DNAH7: variants seen among roughly 807,000 people sequenced by gnomAD.
The protein encoded by DNAH7 is dynein axonemal heavy chain 7.
In DNAH7, 397 loss-of-function variants were observed where a neutral mutation model predicts 444.6. The observed-to-expected ratio is 0.89, with a 90% CI of 0.82 to 0.97. The LOEUF (loss-of-function observed/expected upper bound fraction) is 0.97. Among genes scored for constraint, DNAH7 ranks in the 50% least tolerant of loss-of-function variants. The probability of loss-of-function intolerance (pLI) is 0.00; values close to 1 mark genes in which losing one functional copy is unlikely to be tolerated. For missense variants in DNAH7, 4,902 were observed against 4,800.8 expected (o/e 1.02, Z -0.62); for synonymous variants, 1,636 against 1,624.4 (o/e 1.01, Z -0.17).
At chr2:195,852,785 C>CA in intron 46 of DNAH7, among the ~76,000 whole-genome samples, 1 of 152,146 alleles carries the variant, frequency 6.6e-6, no homozygotes, top group Non-Finnish European at 1.5e-5. Context: ...AGCCACTTAT[C>CA]AACAGGGTTT....
chr2:195,765,019 G>A (rs1330705460), intron 61 of DNAH7, among the ~76,000 whole-genome samples: 1 of 152,024 alleles, frequency 6.6e-6, no homozygotes, highest in Non-Finnish European at 1.5e-5. Flanking sequence ...AAACAGCATG[G>A]TACTGGCATA....
In DNAH7 at chr2:195,775,917, T is replaced by C. The variant is rs1695038229; in HGVS notation, c.11131A>G (p.Asn3711Asp). ...TCCTTAGTGATATCTGCATTGGCAT[T>C]CATCCCAAAGATTTCTGGTGCTGGG... ...LTPAPEIFGM[N>D]ANADITKDQS... Residue 3711 changes from asparagine to aspartate, a missense_variant, in exon 60 of 65, where the codon AAT (asparagine) becomes GAT (aspartate). Physicochemically the swap from Asn to Asp is conservative, Grantham distance 23. Coordinates refer to ENST00000312428, the MANE Select transcript of DNAH7 (RefSeq NM_018897.3). The C allele has an allele frequency of 6.2e-7, 1 of 1,614,178 alleles. No individual in the cohort carries two copies. The highest frequency in any genetic ancestry group is 8.5e-7 in the Non-Finnish European group (1 of 1,180,008).
At chr2:195,999,739 T>C (rs1693920935) in intron 12 of DNAH7, among the ~76,000 whole-genome samples, 1 of 151,962 alleles carries the variant, frequency 6.6e-6, no homozygotes, top group Admixed American at 6.6e-5. Flanking sequence ...AAAAATAGAA[T>C]AAAAAATTGG....
At chr2:195,795,217 C>T (rs1270505794) in intron 56 of DNAH7, among the ~76,000 whole-genome samples, 2 of 152,176 alleles carry the variant, frequency 1.3e-5, no homozygotes, top group Non-Finnish European at 2.9e-5. Flanking sequence ...GCTGTCTCTA[C>T]TAAAAATACA....
chr2:195,944,017 C>T (rs548854548), intron 19 of DNAH7, among the ~76,000 whole-genome samples: 10 of 152,222 alleles, frequency 6.6e-5, no homozygotes, highest in African/African-American at 2.4e-4. Flanking sequence ...TTTCCCAATC[C>T]TTCAAACTTG....
chr2:195,996,115 G>A (rs1693677938), intron 12 of DNAH7, among the ~76,000 whole-genome samples: 1 of 152,168 alleles, frequency 6.6e-6, no homozygotes, highest in African/African-American at 2.4e-5. Flanking sequence ...ATACACTAGA[G>A]TGCAATGTCA....
intron 10 of DNAH7, among the ~76,000 whole-genome samples, chr2:196,008,556 T>C (rs901447713): frequency 6.6e-6 from 1 of 152,236 alleles, no homozygotes; most frequent in African/African-American, 2.4e-5. Context: ...CTTATATCCA[T>C]ATACTGAAAT....
At position 196,064,332 on chromosome 2, in the gene DNAH7, TA is replaced by T. The variant is rs1442162731; in HGVS notation, c.15+4364del. Among the ~76,000 whole-genome samples, 367 of 40,428 alleles carry T rather than the reference TA, an allele frequency of 9.1e-3. 1 individual carries two copies. The highest frequency in any genetic ancestry group is 0.027 in the African/African-American group (338 of 12,676). 26.5% of individuals were successfully genotyped at this position (40,428 alleles called of 152,430 possible). A position where few individuals can be genotyped will look rare whatever the true frequency, so the allele number is the denominator to read the frequency against. ...CTCCGTCTCAAAATAAATAAATAAA[TA>T]AATAAATAAATAAATAATAAATAAT... On this transcript the variant is annotated intron_variant, in intron 1 of 64. Coordinates refer to ENST00000312428, the MANE Select transcript of DNAH7 (RefSeq NM_018897.3).
At chr2:196,028,422 T>C (rs1267715148) in intron 5 of DNAH7, among the ~76,000 whole-genome samples, 1 of 152,184 alleles carries the variant, frequency 6.6e-6, no homozygotes, top group Non-Finnish European at 1.5e-5. Flanking sequence ...AAAAGAACAC[T>C]GATGGAAAGT....
At chr2:195,779,797 G>C (rs934585593) in intron 58 of DNAH7, among the ~76,000 whole-genome samples, 1 of 151,900 alleles carries the variant, frequency 6.6e-6, no homozygotes. Context: ...GTAATGGTGG[G>C]GTTTCACCAT....
At chr2:195,923,939 A>G in intron 22 of DNAH7, 132 bp from the exon 23 acceptor site, 1 of 889,986 alleles carries the variant, frequency 1.1e-6, no homozygotes, top group Non-Finnish European at 1.7e-6. Flanking sequence ...TACAATTTAA[A>G]AATAATTTGT....
chr2:195,774,054 TGAG>T (rs2105944818), intron 60 of DNAH7, among the ~76,000 whole-genome samples: 1 of 152,332 alleles, frequency 6.6e-6, no homozygotes, highest in East Asian at 1.9e-4. Flanking sequence ...AACCTGAGTT[TGAG>T]GATTGAAAGA....
intron 23 of DNAH7, among the ~76,000 whole-genome samples, chr2:195,922,655 C>T (rs908214166): frequency 6.6e-6 from 1 of 152,106 alleles, no homozygotes; most frequent in African/African-American, 2.4e-5. Flanking sequence ...CTTCTCTCCT[C>T]CCACCCCATA....
intron 23 of DNAH7, among the ~76,000 whole-genome samples, chr2:195,922,864 A>T (rs1384744718): frequency 3.4e-5 from 5 of 146,854 alleles, no homozygotes; most frequent in Admixed American, 2.0e-4. Flanking sequence ...AATTAGAGGA[A>T]TTTTTTTTTT....
chr2:196,000,539 T>C (rs540645653), intron 12 of DNAH7, among the ~76,000 whole-genome samples, 165 bp downstream of exon 12: 106 of 152,298 alleles, frequency 7.0e-4, no homozygotes, highest in African/African-American at 2.5e-3. Context: ...GTAGGTATAT[T>C]TTGAGAGGCC....
At chr2:196,018,114 A>G (rs2125744806) in intron 9 of DNAH7, among the ~76,000 whole-genome samples, 1 of 152,236 alleles carries the variant, frequency 6.6e-6, no homozygotes, top group South Asian at 2.1e-4. Flanking sequence ...AAGATGAAGA[A>G]CCAACAAAAC....
At chr2:195,965,707 T>G (rs1691426533) in intron 17 of DNAH7, among the ~76,000 whole-genome samples, 1 of 152,160 alleles carries the variant, frequency 6.6e-6, no homozygotes, top group Non-Finnish European at 1.5e-5. Flanking sequence ...TTTGTGTGTA[T>G]CTAGGAATTT....
At chr2:196,016,297 A>G (rs752640555) in intron 9 of DNAH7, among the ~76,000 whole-genome samples, 3 of 152,208 alleles carry the variant, frequency 2.0e-5, no homozygotes, top group Non-Finnish European at 2.9e-5. Context: ...TTACACAAAC[A>G]TAATTTGTGA....
intron 60 of DNAH7, among the ~76,000 whole-genome samples, chr2:195,772,262 G>A (rs16839847): frequency 0.15 from 23,397 of 152,138 alleles, 2,175 homozygotes; most frequent in African/African-American, 0.25. Flanking sequence ...AAACCCAGAT[G>A]GGGGAAATCT....
Sources: gnomAD v4.1 joint callset for allele counts (sites outside exome capture counted in the v4.1 genomes callset) on GRCh38, gnomAD v4.1.1 for gene constraint, MANE v1.5 for transcripts, NCBI Gene and HGNC (gene_info 2026-07-23, HGNC 2026-07-21) for gene names.